The following RALGAPA1 variants were observed in gnomAD, a reference collection of about 807,000 sequenced individuals.
RALGAPA1 encodes Ral GTPase activating protein catalytic subunit alpha 1.
A neutral mutation model predicts 269.6 loss-of-function variants in RALGAPA1; 52 were observed. That is an observed-to-expected ratio of 0.19 (90% CI 0.15 to 0.24). The LOEUF (loss-of-function observed/expected upper bound fraction) is 0.24, where lower values mean the gene tolerates loss of function less well. Among genes scored for constraint, RALGAPA1 ranks in the 10% least tolerant of loss-of-function variants. RALGAPA1 has a pLI of 1.00. For missense variants in RALGAPA1, 1,917 were observed against 3,013.9 expected (o/e 0.64, Z 8.52); for synonymous variants, 817 against 1,008.3 (o/e 0.81, Z 3.60).
intron 31 of RALGAPA1, among the ~76,000 whole-genome samples, chr14:35,648,451 G>A (rs1462108116): frequency 1.4e-5 from 2 of 147,914 alleles, no homozygotes; most frequent in Non-Finnish European, 3.0e-5. Context: ...GGGCAACAGA[G>A]CAAAACTCCA....
At chr14:35,706,364 T>C (rs563050410) in intron 16 of RALGAPA1, among the ~76,000 whole-genome samples, 168 of 152,324 alleles carry the variant, frequency 1.1e-3, no homozygotes, top group African/African-American at 3.5e-3. Flanking sequence ...GTCCAATTGT[T>C]ACAGCACCAT....
intron 36 of RALGAPA1, 102 bp downstream of exon 36, chr14:35,605,484 T>C (rs1316453974): frequency 4.9e-6 from 6 of 1,227,130 alleles, no homozygotes; most frequent in Non-Finnish European, 6.7e-6. Flanking sequence ...TGTTAAGTTG[T>C]TGTATCTCCT....
intron 31 of RALGAPA1, among the ~76,000 whole-genome samples, chr14:35,645,297 G>A (rs982720172): frequency 1.9e-4 from 29 of 150,454 alleles, no homozygotes; most frequent in African/African-American, 7.1e-4. Flanking sequence ...TTCCATATAT[G>A]AACTTCGGGA....
chr14:35,576,610 C>T (rs1452148672), intron 37 of RALGAPA1, among the ~76,000 whole-genome samples: 1 of 152,160 alleles, frequency 6.6e-6, no homozygotes, highest in Non-Finnish European at 1.5e-5. Context: ...AAAAAATCCA[C>T]AAAACCCTAT....
At chr14:35,798,981 GCTGT>G (rs1174568003) in intron 1 of RALGAPA1, among the ~76,000 whole-genome samples, 3 of 147,016 alleles carry the variant, frequency 2.0e-5, no homozygotes, top group African/African-American at 5.1e-5. Context: ...GGGCAACACA[GCTGT>G]CTGTGTCAAA....
intron 33 of RALGAPA1, among the ~76,000 whole-genome samples, chr14:35,629,867 T>C (rs911116301): frequency 2.0e-5 from 3 of 152,230 alleles, no homozygotes; most frequent in Non-Finnish European, 2.9e-5. Context: ...TGATGACTTT[T>C]GGTAATTATA....
chr14:35,649,953 A>G (rs1365397292), intron 31 of RALGAPA1, among the ~76,000 whole-genome samples: 1 of 152,248 alleles, frequency 6.6e-6, no homozygotes, highest in Non-Finnish European at 1.5e-5. Context: ...TCATATTAAT[A>G]GCTAGACTTC....
intron 35 of RALGAPA1, among the ~76,000 whole-genome samples, chr14:35,607,501 G>A (rs143012436): frequency 6.6e-6 from 1 of 152,320 alleles, no homozygotes; most frequent in East Asian, 1.9e-4. Flanking sequence ...AACGTTGAGA[G>A]TCTCAATCTT....
At chr14:35,555,430 G>A (rs1030578438) in intron 39 of RALGAPA1, among the ~76,000 whole-genome samples, 4 of 152,156 alleles carry the variant, frequency 2.6e-5, no homozygotes, top group Non-Finnish European at 5.9e-5. Flanking sequence ...AATCTTTACA[G>A]AGAAAATTAA....
At chr14:35,686,512 A>G (rs1169864499) in intron 19 of RALGAPA1, 30 bp downstream of exon 19, 6 of 1,572,390 alleles carry the variant, frequency 3.8e-6, no homozygotes, top group South Asian at 1.2e-5. Context: ...ACCCTCCTCT[A>G]TAAAACCAAA....
chr14:35,607,333 G>A (rs748406686), intron 35 of RALGAPA1, among the ~76,000 whole-genome samples: 3 of 152,164 alleles, frequency 2.0e-5, no homozygotes, highest in Admixed American at 6.5e-5. Context: ...TTCCAATCTG[G>A]AGCTATGGCT....
At chr14:35,553,730 T>C (rs4982291) in intron 39 of RALGAPA1, among the ~76,000 whole-genome samples, 6,277 of 152,242 alleles carry the variant, frequency 0.041, 369 homozygotes, top group African/African-American at 0.12. Context: ...TTATAAAAAT[T>C]ACAACTTGTA....
At chr14:35,642,010 C>T (rs2062062661) in intron 31 of RALGAPA1, among the ~76,000 whole-genome samples, 1 of 152,124 alleles carries the variant, frequency 6.6e-6, no homozygotes, top group South Asian at 2.1e-4. Flanking sequence ...ACAGTCTCTT[C>T]AATATATGGT....
At chr14:35,564,915 T>C (rs2056569050) in intron 39 of RALGAPA1, among the ~76,000 whole-genome samples, 1 of 152,152 alleles carries the variant, frequency 6.6e-6, no homozygotes, top group South Asian at 2.1e-4. Context: ...CCCTTGGAAC[T>C]CTTATAGCAT....
rs147706441 is a variant in RALGAPA1, at chr14:35,552,468, A to C, written c.7497-3234T>G. The stretch of plus-strand genomic sequence containing the variant: ...ACAGCTGGCAACAACAGGACAACTC[A>C]AGCTATCGTTTTATATGGTGAGTGC... On this transcript the variant is annotated intron_variant, in intron 39 of 41. Coordinates refer to ENST00000680220, the MANE Select transcript of RALGAPA1 (RefSeq NM_001346249.2). Among the ~76,000 whole-genome samples, 57 of 152,244 alleles carry C rather than the reference A, an allele frequency of 3.7e-4. No homozygotes were observed. In the Middle Eastern group the frequency reaches 0.01, roughly 27 times the overall value.
At position 35,742,475 on chromosome 14, in the gene RALGAPA1, A is replaced by G; in HGVS notation, c.1342T>C (p.Phe448Leu). The G allele has an allele frequency of 1.2e-6, 2 of 1,603,400 alleles. No homozygotes were observed. Among genetic ancestry groups the G allele is most frequent in the Non-Finnish European group, 1.7e-6 (2 of 1,170,820 alleles). ...ACAATTTCTTCAGGCTCTTGCATGA[A>G]CAAAGGTTTTTCCTCTTGTTGGATC... Reference protein sequence around the residue: ...EWIQQEEKPLFMQEPEEIVIT... With the variant: ...EWIQQEEKPLLMQEPEEIVIT... The change falls in exon 11 of 42, where the codon TTC becomes CTC. Residue 448 changes from phenylalanine (F) to leucine (L), a missense_variant. Phe to Leu is a conservative substitution (Grantham distance 22, BLOSUM62 0). Coordinates refer to ENST00000680220, the MANE Select transcript of RALGAPA1 (RefSeq NM_001346249.2).
At chr14:35,650,210 G>A (rs569050198) in intron 31 of RALGAPA1, among the ~76,000 whole-genome samples, 81 of 151,458 alleles carry the variant, frequency 5.3e-4, no homozygotes, top group African/African-American at 1.8e-3. Flanking sequence ...CCCCGCCCCC[G>A]ACACATCTCT....
intron 6 of RALGAPA1, among the ~76,000 whole-genome samples, chr14:35,759,415 T>C (rs1263018079): frequency 2.0e-5 from 3 of 152,072 alleles, no homozygotes; most frequent in African/African-American, 7.2e-5. Context: ...TAAAGTTACA[T>C]GAGATCATGT....
intron 1 of RALGAPA1, among the ~76,000 whole-genome samples, chr14:35,792,979 T>C (rs978145385): frequency 1.3e-5 from 2 of 150,860 alleles, no homozygotes; most frequent in Non-Finnish European, 2.9e-5. Context: ...AAAGAAATGA[T>C]GGTAAGAACC....
Sources: allele counts gnomAD v4.1 joint callset (sites outside exome capture counted in the v4.1 genomes callset), GRCh38; gene constraint gnomAD v4.1.1; transcripts MANE v1.5; gene names NCBI Gene and HGNC (gene_info 2026-07-23, HGNC 2026-07-21).